The following ZBTB20 variants were observed in gnomAD, a reference collection of about 807,000 sequenced individuals.
The protein encoded by ZBTB20 is zinc finger and BTB domain-containing protein 20.
A neutral mutation model predicts 56.9 loss-of-function variants in ZBTB20; 9 were observed. The observed-to-expected ratio is 0.16, with a 90% CI of 0.10 to 0.28. The LOEUF (loss-of-function observed/expected upper bound fraction) is 0.28, where lower values mean the gene tolerates loss of function less well. Ranked by LOEUF, ZBTB20 falls within the 10% of genes least tolerant of loss-of-function variation. ZBTB20 has a pLI of 1.00. For synonymous variants in ZBTB20, 417 were observed against 420.7 expected, an observed-to-expected ratio of 0.99 and a Z score of 0.11; for missense variants, 655 against 1,003.0, an observed-to-expected ratio of 0.65 and a Z score of 4.69.
At chr3:115,031,494 T>G (rs1355925077) in intron 2 of ZBTB20, among the ~76,000 whole-genome samples, 3 of 151,406 alleles carry the variant, frequency 2.0e-5, no homozygotes, top group Non-Finnish European at 4.4e-5. Flanking sequence ...TTGATATAAT[T>G]CAAAGTTTTC....
intron 6 of ZBTB20, among the ~76,000 whole-genome samples, chr3:114,595,823 A>G (rs1034891645): frequency 3.3e-5 from 5 of 152,164 alleles, no homozygotes; most frequent in Admixed American, 6.5e-5. Context: ...AAGGTTACAC[A>G]TGGGTTAAGA....
chr3:114,608,709 C>A (rs958760534), intron 6 of ZBTB20, among the ~76,000 whole-genome samples: 5 of 152,194 alleles, frequency 3.3e-5, no homozygotes, highest in African/African-American at 1.2e-4. Flanking sequence ...GAAGCACCAA[C>A]CTGTAATTCC....
At chr3:114,855,300 G>A (rs1306473185) in intron 4 of ZBTB20, among the ~76,000 whole-genome samples, 1 of 152,114 alleles carries the variant, frequency 6.6e-6, no homozygotes, top group Non-Finnish European at 1.5e-5. Flanking sequence ...TATTTCTATT[G>A]TTGGGAAGGG....
chr3:114,669,077 C>T (rs561142711), intron 6 of ZBTB20, among the ~76,000 whole-genome samples: 1 of 152,182 alleles, frequency 6.6e-6, no homozygotes, highest in East Asian at 1.9e-4. Context: ...ATTTTGCCAC[C>T]CCCTTCCCCA....
intron 7 of ZBTB20, among the ~76,000 whole-genome samples, chr3:114,432,375 G>A (rs1038588932): frequency 6.6e-6 from 1 of 152,184 alleles, no homozygotes; most frequent in African/African-American, 2.4e-5. Flanking sequence ...TTTCTGGGAT[G>A]AGCAAATGGG....
rs2083749889 is a variant in ZBTB20, at chr3:115,107,265, A to G, written c.-702-35851T>C. ...AATATACTGAGACCGCATGTCTATA[A>G]AAAAATCAGCCTTGTATGATGGCAT... On this transcript the variant is annotated intron_variant, in intron 1 of 11. Coordinates refer to ENST00000675478, the MANE Select transcript of ZBTB20 (RefSeq NM_001348800.3). 2.0e-5 allele frequency among the ~76,000 whole-genome samples: 3 copies of G among 152,186 alleles called. No homozygotes were observed. The South Asian group carries it at 6.2e-4, about 32-fold the overall frequency.
chr3:114,739,451 A>G (rs1239136316), intron 5 of ZBTB20, among the ~76,000 whole-genome samples: 1 of 152,150 alleles, frequency 6.6e-6, no homozygotes, highest in Non-Finnish European at 1.5e-5. Flanking sequence ...ATAGTCCACC[A>G]TCACAGGGCC....
intron 7 of ZBTB20, among the ~76,000 whole-genome samples, chr3:114,439,827 T>G (rs2090787238): frequency 6.6e-6 from 1 of 152,200 alleles, no homozygotes; most frequent in African/African-American, 2.4e-5. Flanking sequence ...CAGCCAGAAT[T>G]ATACTTTGAC....
intron 6 of ZBTB20, among the ~76,000 whole-genome samples, chr3:114,619,249 T>G (rs1216403452): frequency 2.0e-5 from 3 of 152,200 alleles, no homozygotes; most frequent in Non-Finnish European, 4.4e-5. Context: ...AACTTTCCAT[T>G]GTTCAAGGGT....
rs374292022 is a variant in ZBTB20 at position 115,101,310 on chromosome 3, GA to G, written c.-702-29897del. On this transcript the variant is annotated intron_variant, in intron 1 of 11. Coordinates refer to ENST00000675478, the MANE Select transcript of ZBTB20 (RefSeq NM_001348800.3). ...TTCTAAATAAACTTGCCTTAAAAGA[GA>G]AAAAAAACAGTTTTTCTTTGTCTGA... is the stretch of plus-strand genomic sequence containing the variant. 2.4e-3 allele frequency among the ~76,000 whole-genome samples: 365 copies of G among 151,600 alleles called. 2 individuals are homozygous for G. Among genetic ancestry groups the G allele is most frequent in the African/African-American group, 8.5e-3 (351 of 41,352 alleles).
At chr3:114,376,965 C>T (rs1015730501) in intron 10 of ZBTB20, among the ~76,000 whole-genome samples, 2 of 152,184 alleles carry the variant, frequency 1.3e-5, no homozygotes, top group East Asian at 1.9e-4. Flanking sequence ...GTTCTGGTCG[C>T]GTCTATCACA....
intron 6 of ZBTB20, among the ~76,000 whole-genome samples, chr3:114,587,095 C>G (rs2055257350): frequency 6.9e-6 from 1 of 144,182 alleles, no homozygotes; most frequent in Non-Finnish European, 1.5e-5. Context: ...CTCCCGGGTT[C>G]AAGCGATTCT....
chr3:114,483,425 T>C (rs1483053017), intron 7 of ZBTB20, among the ~76,000 whole-genome samples: 1 of 151,858 alleles, frequency 6.6e-6, no homozygotes, highest in Non-Finnish European at 1.5e-5. Context: ...TGAGACAGCA[T>C]GGCTGCTCCC....
chr3:114,879,031 T>C (rs1191192575), intron 4 of ZBTB20, among the ~76,000 whole-genome samples: 4 of 152,188 alleles, frequency 2.6e-5, no homozygotes, highest in South Asian at 4.1e-4. Context: ...GTGCTGCAAA[T>C]GGTCATGGGA....
chr3:114,672,092 A>G (rs1376723804), intron 6 of ZBTB20, among the ~76,000 whole-genome samples: 1 of 152,190 alleles, frequency 6.6e-6, no homozygotes, highest in Non-Finnish European at 1.5e-5. Flanking sequence ...CAGTTTTTGA[A>G]GAAAACTGAA....
At chr3:114,921,348 C>T (rs1399100535) in intron 3 of ZBTB20, among the ~76,000 whole-genome samples, 2 of 152,092 alleles carry the variant, frequency 1.3e-5, no homozygotes, top group Non-Finnish European at 2.9e-5. Context: ...GTCTCAACCT[C>T]CAGAATTCAA....
intron 7 of ZBTB20, among the ~76,000 whole-genome samples, chr3:114,489,666 CT>C (rs1254076580): frequency 1.3e-5 from 2 of 151,732 alleles, no homozygotes; most frequent in Admixed American, 6.6e-5. Flanking sequence ...GATGTTTCCC[CT>C]TTACTCTATA....
intron 6 of ZBTB20, among the ~76,000 whole-genome samples, chr3:114,507,889 T>C (rs1204034618): frequency 6.6e-6 from 1 of 152,168 alleles, no homozygotes; most frequent in Non-Finnish European, 1.5e-5. Context: ...TAGTAATATA[T>C]GGTGCTCACG....
chr3:115,143,802 G>T (rs141513711), intron 1 of ZBTB20, among the ~76,000 whole-genome samples: 1 of 152,062 alleles, frequency 6.6e-6, no homozygotes, highest in Non-Finnish European at 1.5e-5. Context: ...AATAACAAAA[G>T]GTACAAATAA....
Sources: allele counts gnomAD v4.1 joint callset (sites outside exome capture counted in the v4.1 genomes callset), GRCh38; gene constraint gnomAD v4.1.1; transcripts MANE v1.5; gene names NCBI Gene and HGNC (gene_info 2026-07-23, HGNC 2026-07-21).